The following SPTLC2 variants were observed in gnomAD, a reference collection of about 807,000 sequenced individuals.
SPTLC2 encodes the protein serine palmitoyltransferase 2.
A neutral mutation model predicts 62.0 loss-of-function variants in SPTLC2; 21 were observed. The ratio of observed to expected loss-of-function variants is 0.34; its 90% confidence interval spans 0.24 to 0.49. The LOEUF is 0.49. Among genes scored for constraint, SPTLC2 ranks in the 20% least tolerant of loss-of-function variants. SPTLC2 has a pLI of 0.99. For synonymous variants in SPTLC2, 261 were observed against 261.8 expected, an observed-to-expected ratio of 1.00 and a Z score of 0.03; for missense variants, 511 against 713.0, an observed-to-expected ratio of 0.72 and a Z score of 3.23.
intron 1 of SPTLC2, among the ~76,000 whole-genome samples, chr14:77,615,632 A>G (rs2079962423): frequency 6.6e-6 from 1 of 152,252 alleles, no homozygotes; most frequent in African/African-American, 2.4e-5. Flanking sequence ...AGACCACTGT[A>G]AGGTTGATAA....
At chr14:77,592,054 C>T (rs2079820848) in intron 2 of SPTLC2, among the ~76,000 whole-genome samples, 1 of 151,618 alleles carries the variant, frequency 6.6e-6, no homozygotes, top group Non-Finnish European at 1.5e-5. Context: ...TAGAATCATA[C>T]ACAGAATTAA....
chr14:77,553,216 A>G (rs1002083557), intron 8 of SPTLC2, among the ~76,000 whole-genome samples: 1 of 152,240 alleles, frequency 6.6e-6, no homozygotes, highest in African/African-American at 2.4e-5. Context: ...CTTATGTACC[A>G]GAACAAATTA....
intron 1 of SPTLC2, among the ~76,000 whole-genome samples, chr14:77,607,553 A>C (rs1566794269): frequency 6.6e-6 from 1 of 152,214 alleles, no homozygotes; most frequent in Non-Finnish European, 1.5e-5. Flanking sequence ...CTAAGAATCA[A>C]ATTTTCCTTT....
At chr14:77,583,976 G>T (rs558390697) in intron 2 of SPTLC2, among the ~76,000 whole-genome samples, 1 of 152,044 alleles carries the variant, frequency 6.6e-6, no homozygotes, top group African/African-American at 2.4e-5. Context: ...ATACCTACTC[G>T]CGACTAAATG....
chr14:77,554,657 T>G (rs1358476945), intron 8 of SPTLC2: 2 of 154,256 alleles, frequency 1.3e-5, no homozygotes, highest in African/African-American at 4.8e-5. Context: ...ACTGGGAGGT[T>G]AAATGTTTTC....
At chr14:77,529,250 CTTCTTTT>C (rs1566769848) in intron 9 of SPTLC2, among the ~76,000 whole-genome samples, 8 of 107,404 alleles carry the variant, frequency 7.4e-5, no homozygotes, top group African/African-American at 1.3e-4. Flanking sequence ...TTGAAAACTT[CTTCTTTT>C]TTTTTTTTTT....
chr14:77,518,306 TTTAAAG>T lies in SPTLC2; in HGVS notation c.1440-145_1440-140del, dbSNP rs939574228. 7.8e-6 allele frequency: 10 copies of T among 1,280,250 alleles called. No individual in the cohort carries two copies. In the Admixed American group the frequency reaches 2.1e-4, roughly 26 times the overall value. The allele number at this position is 1,280,250 out of a possible 1,614,324, so 79.3% of individuals were successfully genotyped here. On this transcript the variant is annotated intron_variant, in intron 10 of 11. Transcript: ENST00000216484. ...CTAATAGGAGTTTCCTTTAACTCCT[TTTAAAG>T]TTAAAATTGACAGCTCACAAATACT...
chr14:77,525,104 A>G (rs2079402415), intron 9 of SPTLC2, among the ~76,000 whole-genome samples: 1 of 151,954 alleles, frequency 6.6e-6, no homozygotes, highest in African/African-American at 2.4e-5. Flanking sequence ...AAAATATCAT[A>G]TGTACCCCAT....
chr14:77,576,886 A>G lies in SPTLC2; in HGVS notation c.512T>C (p.Ile171Thr). 3 of 1,614,208 alleles carry G rather than the reference A, an allele frequency of 1.9e-6. No homozygotes were observed. In the South Asian group the frequency reaches 3.3e-5, roughly 18 times the overall value. The change falls in exon 4 of 12, where the codon ATA becomes ACA. Residue 171 changes from isoleucine (I) to threonine (T), a missense_variant. Coordinates refer to ENST00000216484, the MANE Select transcript of SPTLC2 (RefSeq NM_004863.4). ...AAGATAGTTGTAGGAACCCATGTTT[A>G]TAACACCCTTTATTATATTCCCTGT... The part of the protein sequence containing the change: ...KYTGNIIKGV[I>T]NMGSYNYLGF...
chr14:77,526,768 T>G (rs556132793), intron 9 of SPTLC2, among the ~76,000 whole-genome samples: 20 of 152,074 alleles, frequency 1.3e-4, no homozygotes, highest in African/African-American at 4.6e-4. Flanking sequence ...AAGATCAATA[T>G]GCTGTAACAG....
chr14:77,560,969 C>T (rs1446326740), intron 6 of SPTLC2, among the ~76,000 whole-genome samples: 1 of 149,958 alleles, frequency 6.7e-6, no homozygotes, highest in African/African-American at 2.5e-5. Flanking sequence ...ACCCCCGAGA[C>T]ATGCAATTTA....
chr14:77,531,446 C>CTTCTTCTTCTTCTTTTT (rs1566770725), intron 9 of SPTLC2, among the ~76,000 whole-genome samples: 1 of 103,702 alleles, frequency 9.6e-6, no homozygotes, highest in Non-Finnish European at 1.9e-5. Flanking sequence ...TTCTTCTTCT[C>CTTCTTCTTCTTCTTTTT]CTCCTTCTCC....
At position 77,564,255 on chromosome 14, in the gene SPTLC2, AGG is replaced by A. The variant is rs1178979480; in HGVS notation, c.757-1768_757-1767del. 4.0e-3 allele frequency among the ~76,000 whole-genome samples: 392 copies of A among 97,172 alleles called. 4 individuals carry two copies. Among genetic ancestry groups the A allele is most frequent in the Admixed American group, 6.9e-3 (62 of 9,034 alleles). The allele number at this position is 97,172 out of a possible 152,430, so 63.7% of individuals were successfully genotyped here. On this transcript the variant is annotated intron_variant, in intron 5 of 11. Transcript: ENST00000216484. The stretch of plus-strand genomic sequence containing the variant: ...TGGGGGGAAAAAAAAAAAAAAAAGG[AGG>A]AGGAGGAGGAAGAGGAGGAAGAGGA...
At chr14:77,604,845 C>T (rs1372507454) in intron 1 of SPTLC2, among the ~76,000 whole-genome samples, 1 of 54,754 alleles carries the variant, frequency 1.8e-5, no homozygotes. Flanking sequence ...CCGGCCTGGG[C>T]AAAAAAGCAA....
At chr14:77,518,596 C>CAAA (rs11400711) in intron 10 of SPTLC2, among the ~76,000 whole-genome samples, 13 of 143,228 alleles carry the variant, frequency 9.1e-5, no homozygotes, top group Non-Finnish European at 7.6e-5. Flanking sequence ...GGCTCTGTCT[C>CAAA]AAAAAAAAAA....
In SPTLC2 at chr14:77,555,334, A is replaced by C; in HGVS notation, c.1142T>G (p.Phe381Cys). ...DVMMGTFTKS[F>C]GASGGYIGGK... is the part of the protein sequence containing the mutation. ...TCCAATATATCCTCCAGAAGCACCA[A>C]AACTCTTTGTGAACGTTCCCATCAT... The change falls in exon 8 of 12, where the codon TTT becomes TGT. Residue 381 changes from phenylalanine (F) to cysteine (C), a missense_variant. Coordinates refer to ENST00000216484, the MANE Select transcript of SPTLC2 (RefSeq NM_004863.4). 6.2e-7 allele frequency: 1 copy of C among 1,614,018 alleles called. No individual in the cohort carries two copies.
chr14:77,592,424 C>T (rs1466293338), intron 2 of SPTLC2, among the ~76,000 whole-genome samples: 1 of 152,078 alleles, frequency 6.6e-6, no homozygotes, highest in Non-Finnish European at 1.5e-5. Context: ...TGTGAGCCAT[C>T]GCACCCGGCT....
intron 10 of SPTLC2, among the ~76,000 whole-genome samples, chr14:77,519,740 T>C (rs1394722819): frequency 2.6e-5 from 4 of 152,158 alleles, no homozygotes; most frequent in Admixed American, 6.5e-5. Context: ...TGCCAGTCTT[T>C]TCACAGCCTT....
intron 2 of SPTLC2, 43 bp from the exon 3 acceptor site, chr14:77,579,152 T>C (rs768092008): frequency 1.2e-6 from 2 of 1,605,692 alleles, no homozygotes; most frequent in Non-Finnish European, 1.7e-6. Flanking sequence ...ACTGAGTTAC[T>C]TTATTAAAAA....
Sources: gnomAD v4.1 joint callset for allele counts (sites outside exome capture counted in the v4.1 genomes callset) on GRCh38, gnomAD v4.1.1 for gene constraint, MANE v1.5 for transcripts, NCBI Gene and HGNC (gene_info 2026-07-23, HGNC 2026-07-21) for gene names.